The following MYRIP variants were observed in gnomAD, a reference collection of about 807,000 sequenced individuals.
The protein encoded by MYRIP is rab effector MyRIP.
MYRIP carries 49 observed loss-of-function variants against 98.0 expected under a neutral mutation model. That is an observed-to-expected ratio of 0.50 (90% CI 0.40 to 0.63). The LOEUF is 0.63. Among genes scored for constraint, MYRIP ranks in the 30% least tolerant of loss-of-function variants. MYRIP has a pLI of 0.00. For synonymous variants in MYRIP, 404 were observed against 409.5 expected (o/e 0.99, Z 0.16); for missense variants, 1,004 against 1,058.2 (o/e 0.95, Z 0.71).
intron 2 of MYRIP, among the ~76,000 whole-genome samples, chr3:40,003,520 A>G (rs147273920): frequency 1.4e-3 from 206 of 152,334 alleles, no homozygotes; most frequent in African/African-American, 4.7e-3. Flanking sequence ...TTAGAAATCC[A>G]ATAGGCTGGA....
At chr3:39,853,490 G>A (rs145265503) in intron 1 of MYRIP, among the ~76,000 whole-genome samples, 1,536 of 152,122 alleles carry the variant, frequency 0.01, 27 homozygotes, top group African/African-American at 0.035. Context: ...GTTTTAATTT[G>A]CATTTCCCTG....
At chr3:39,899,450 A>G (rs116384645) in intron 1 of MYRIP, among the ~76,000 whole-genome samples, 1,878 of 151,976 alleles carry the variant, frequency 0.012, 42 homozygotes, top group African/African-American at 0.043. Flanking sequence ...GAATGTGACT[A>G]TTGTTACTAT....
chr3:40,103,484 C>T (rs1225971811), intron 3 of MYRIP, among the ~76,000 whole-genome samples: 2 of 152,182 alleles, frequency 1.3e-5, no homozygotes, highest in African/African-American at 2.4e-5. Flanking sequence ...CAGAACTGGG[C>T]GTGGTGGCTC....
At chr3:39,926,462 T>A (rs762270762) in intron 2 of MYRIP, among the ~76,000 whole-genome samples, 1 of 152,068 alleles carries the variant, frequency 6.6e-6, no homozygotes, top group Non-Finnish European at 1.5e-5. Context: ...ACTTTTATAG[T>A]TTAGGTCTTA....
intron 1 of MYRIP, among the ~76,000 whole-genome samples, chr3:39,863,225 A>C (rs1033074616): frequency 1.3e-5 from 2 of 152,148 alleles, no homozygotes; most frequent in Admixed American, 1.3e-4. Context: ...TCAAATTAAC[A>C]AGCTTACCAT....
chr3:39,826,147 T>G (rs1941258510), intron 1 of MYRIP, among the ~76,000 whole-genome samples: 1 of 151,954 alleles, frequency 6.6e-6, no homozygotes. Context: ...ATCTATTGTA[T>G]TTTTTTAGTC....
intron 2 of MYRIP, among the ~76,000 whole-genome samples, chr3:39,979,937 A>G (rs1644492300): frequency 6.6e-6 from 1 of 152,244 alleles, no homozygotes; most frequent in South Asian, 2.1e-4. Context: ...TTCAGTGAAT[A>G]CTAGTCCCTA....
chr3:39,901,675 C>A (rs1055442216), intron 2 of MYRIP, among the ~76,000 whole-genome samples: 1 of 152,160 alleles, frequency 6.6e-6, no homozygotes, highest in Non-Finnish European at 1.5e-5. Flanking sequence ...TTATTCACAG[C>A]ACCATCTTCT....
At chr3:40,016,902 A>G (rs1048174208) in intron 2 of MYRIP, among the ~76,000 whole-genome samples, 30 of 152,356 alleles carry the variant, frequency 2.0e-4, no homozygotes, top group Middle Eastern at 3.4e-3. Context: ...GGGCAGGGCC[A>G]GGTGTTACCT....
At chr3:40,155,656 G>GT (rs1392459621) in intron 4 of MYRIP, among the ~76,000 whole-genome samples, 15 of 151,332 alleles carry the variant, frequency 9.9e-5, no homozygotes, top group African/African-American at 3.4e-4. Flanking sequence ...AGCACCTGTT[G>GT]TTTCCTGACT....
chr3:40,032,635 CAGAGGT>C (rs1484925428), intron 2 of MYRIP, among the ~76,000 whole-genome samples: 1 of 152,096 alleles, frequency 6.6e-6, no homozygotes, highest in Non-Finnish European at 1.5e-5. Context: ...CGAATTCTAC[CAGAGGT>C]ACAAGGAGGA....
intron 10 of MYRIP, among the ~76,000 whole-genome samples, chr3:40,204,170 T>TCA (rs1951719866): frequency 1.9e-4 from 1 of 5,304 alleles, no homozygotes; most frequent in African/African-American, 2.9e-4. Context: ...AATATAATAT[T>TCA]TATATATTAT....
chr3:40,190,402 A>G lies in MYRIP; in HGVS notation c.1604A>G (p.Glu535Gly). ...TGGAGAAGAGCCCGACTGGGCTCAG[A>G]AGAGCCAAGCAAAGAACCATCTTCC... ...RRWRRARLGSEEPSKEPSSPS... is the reference protein window; with the variant it reads ...RRWRRARLGSGEPSKEPSSPS... The change falls in exon 10 of 17, where the codon GAA becomes GGA. Residue 535 changes from glutamate to glycine, a missense_variant. Physicochemically the swap from Glu to Gly is moderately conservative, Grantham distance 98. Transcript: ENST00000302541. The G allele has an allele frequency of 6.2e-7, 1 of 1,613,174 alleles. No individual in the cohort carries two copies. The highest frequency in any genetic ancestry group is 1.1e-5 in the South Asian group (1 of 91,002).
chr3:40,215,985 T>G (rs1952107849), intron 11 of MYRIP, among the ~76,000 whole-genome samples: 1 of 152,218 alleles, frequency 6.6e-6, no homozygotes, highest in South Asian at 2.1e-4. Flanking sequence ...TCTGCACTCT[T>G]CATTCCCACA....
chr3:39,966,846 C>T (rs997874871), intron 2 of MYRIP, among the ~76,000 whole-genome samples: 1 of 152,192 alleles, frequency 6.6e-6, no homozygotes, highest in African/African-American at 2.4e-5. Flanking sequence ...ATGGCTGAAC[C>T]CACCACATAT....
In MYRIP at chr3:39,831,371, C is replaced by T. The variant is rs75915119; in HGVS notation, c.-31+21455C>T. On this transcript the variant is annotated intron_variant, in intron 1 of 16. Transcript: ENST00000302541. ...TGTGCAATAAATATCTCCAAATCAA[C>T]CTTCTAAAAGCTGAACTCCTGCTCT... Among the ~76,000 whole-genome samples the T allele has an allele frequency of 0.017, 2,515 of 152,218 alleles. 144 individuals carry two copies. The East Asian group carries it at 0.22, about 13-fold the overall frequency.
chr3:39,893,423 A>G (rs2125662092), intron 1 of MYRIP, among the ~76,000 whole-genome samples: 1 of 152,256 alleles, frequency 6.6e-6, no homozygotes, highest in East Asian at 1.9e-4. Context: ...AGTAGCTGGT[A>G]TTGTACCACC....
At chr3:39,898,745 T>G (rs1209182502) in intron 1 of MYRIP, among the ~76,000 whole-genome samples, 4 of 152,198 alleles carry the variant, frequency 2.6e-5, no homozygotes, top group Non-Finnish European at 5.9e-5. Flanking sequence ...TTTATAAATG[T>G]AGTTTATATG....
chr3:40,060,542 A>G lies in MYRIP; in HGVS notation c.332+16271A>G, dbSNP rs140481625. Reference sequence around the variant, plus strand: ...GAATATTTTAGAGGGCCATGGTTACATCTTGGAAAACATTATGGATTTGGG... The same window carrying G: ...GAATATTTTAGAGGGCCATGGTTACGTCTTGGAAAACATTATGGATTTGGG... On this transcript the variant is annotated intron_variant, in intron 3 of 16. Transcript: ENST00000302541. Among the ~76,000 whole-genome samples the G allele has an allele frequency of 8.5e-3, 1,279 of 149,832 alleles. 11 individuals are homozygous for G. Among genetic ancestry groups the G allele is most frequent in the Middle Eastern group, 0.014 (4 of 286 alleles).
Sources: allele counts gnomAD v4.1 joint callset (sites outside exome capture counted in the v4.1 genomes callset), GRCh38; gene constraint gnomAD v4.1.1; transcripts MANE v1.5; gene names NCBI Gene and HGNC (gene_info 2026-07-23, HGNC 2026-07-21).